CSNK2A2IP: variants seen among roughly 807,000 people sequenced by gnomAD.
CSNK2A2IP encodes the protein casein kinase II subunit alpha'-interacting protein.
At chr3:88,466,477 T>C in the CSNK2A2IP span, 1 of 1,231,854 alleles carries the variant, frequency 8.1e-7, no homozygotes, top group Admixed American at 4.2e-5. Flanking sequence ...TCAATTATTA[T>C]CAAGCTCCAA....
the CSNK2A2IP span, among the ~76,000 whole-genome samples, chr3:88,434,791 A>G: frequency 1.3e-4 from 20 of 152,254 alleles, no homozygotes; most frequent in South Asian, 4.1e-3. Context: ...TAAAGATTCA[A>G]AACTATGATA....
the CSNK2A2IP span, among the ~76,000 whole-genome samples, chr3:88,400,223 G>C: frequency 4.6e-5 from 7 of 152,228 alleles, no homozygotes; most frequent in South Asian, 1.5e-3. Context: ...ATTTCATTCA[G>C]TATTTAACAA....
chr3:88,458,377 C>T, the CSNK2A2IP span, among the ~76,000 whole-genome samples: 19 of 152,140 alleles, frequency 1.2e-4, no homozygotes, highest in African/African-American at 4.6e-4. Context: ...TCTCGAACTC[C>T]TTATCTCAAG....
chr3:88,375,980 A>C, the CSNK2A2IP span, among the ~76,000 whole-genome samples: 2 of 151,548 alleles, frequency 1.3e-5, no homozygotes, highest in Non-Finnish European at 3.0e-5. Flanking sequence ...CATTGTGCTC[A>C]ATCCTATTCA....
chr3:88,435,841 G>T, the CSNK2A2IP span, among the ~76,000 whole-genome samples: 2 of 151,584 alleles, frequency 1.3e-5, no homozygotes, highest in African/African-American at 4.9e-5. Context: ...TTAAACTTAT[G>T]ATTAATGAAA....
chr3:88,366,052 A>G, the CSNK2A2IP span, among the ~76,000 whole-genome samples: 1 of 152,048 alleles, frequency 6.6e-6, no homozygotes, highest in Admixed American at 6.6e-5. Flanking sequence ...CGAGATTATA[A>G]TGTGAAAATC....
At chr3:88,416,194 C>A in the CSNK2A2IP span, among the ~76,000 whole-genome samples, 2 of 151,068 alleles carry the variant, frequency 1.3e-5, no homozygotes, top group Non-Finnish European at 2.9e-5. Context: ...AAGCTTGAAC[C>A]TGGGAGATGG....
At chr3:88,351,744 TA>T in the CSNK2A2IP span, among the ~76,000 whole-genome samples, 2 of 152,160 alleles carry the variant, frequency 1.3e-5, no homozygotes, top group African/African-American at 4.8e-5. Flanking sequence ...AAAGCCAATT[TA>T]TTTAGCTACA....
the CSNK2A2IP span, among the ~76,000 whole-genome samples, chr3:88,388,572 T>C: frequency 6.6e-6 from 1 of 152,190 alleles, no homozygotes; most frequent in Non-Finnish European, 1.5e-5. Context: ...TGTAATTCAA[T>C]GTTAGGATAG....
At chr3:88,431,234 G>A in the CSNK2A2IP span, 1 of 152,226 alleles carries the variant, frequency 6.6e-6, no homozygotes, top group East Asian at 1.9e-4. Flanking sequence ...ATTGTTCACA[G>A]TCAGTTACAG....
chr3:88,437,927 T>C, the CSNK2A2IP span, among the ~76,000 whole-genome samples: 1 of 152,160 alleles, frequency 6.6e-6, no homozygotes, highest in Non-Finnish European at 1.5e-5. Flanking sequence ...TACTGAACTC[T>C]CTATTATCCT....
chr3:88,417,764 C>G, the CSNK2A2IP span, among the ~76,000 whole-genome samples: 2 of 152,274 alleles, frequency 1.3e-5, no homozygotes, highest in Non-Finnish European at 1.5e-5. Flanking sequence ...TCAGCTCTTT[C>G]TTTTTTCTAC....
chr3:88,376,536 A>T, the CSNK2A2IP span, among the ~76,000 whole-genome samples: 3 of 151,896 alleles, frequency 2.0e-5, no homozygotes, highest in East Asian at 5.8e-4. Context: ...TCCTCCATGT[A>T]TTCTTATTTC....
At chr3:88,461,079 C>T in the CSNK2A2IP span, among the ~76,000 whole-genome samples, 1 of 106,496 alleles carries the variant, frequency 9.4e-6, no homozygotes, top group African/African-American at 2.8e-5. Flanking sequence ...AAGAGTGAAA[C>T]TCCGTCTCAA....
At chr3:88,382,385 A>C in the CSNK2A2IP span, among the ~76,000 whole-genome samples, 1 of 152,348 alleles carries the variant, frequency 6.6e-6, no homozygotes, top group Middle Eastern at 3.4e-3. Flanking sequence ...GGGGAGGGCT[A>C]GGCAGAAGCT....
chr3:88,418,915 A>G, the CSNK2A2IP span, among the ~76,000 whole-genome samples: 1 of 152,158 alleles, frequency 6.6e-6, no homozygotes, highest in Non-Finnish European at 1.5e-5. Context: ...GGCTCACGTT[A>G]CCACCTGAGC....
the CSNK2A2IP span, among the ~76,000 whole-genome samples, chr3:88,415,471 G>A: frequency 6.6e-6 from 1 of 151,910 alleles, no homozygotes; most frequent in African/African-American, 2.4e-5. Context: ...AACTGATTTT[G>A]ACGTTCTTCA....
the CSNK2A2IP span, among the ~76,000 whole-genome samples, chr3:88,450,356 C>T: frequency 1.5e-4 from 23 of 152,062 alleles, no homozygotes; most frequent in Non-Finnish European, 3.2e-4. Flanking sequence ...CTCCATACAG[C>T]ACAGTTTCGT....
the CSNK2A2IP span, among the ~76,000 whole-genome samples, chr3:88,381,659 T>A: frequency 6.6e-6 from 1 of 152,192 alleles, no homozygotes; most frequent in Admixed American, 6.5e-5. Context: ...TGTGTCTACC[T>A]TGGCAGATAA....
Sources: gnomAD v4.1 joint callset for allele counts (sites outside exome capture counted in the v4.1 genomes callset) on GRCh38, gnomAD v4.1.1 for gene constraint, MANE v1.5 for transcripts, NCBI Gene and HGNC (gene_info 2026-07-23, HGNC 2026-07-21) for gene names.